Variants in PLBD2 observed in about 807,000 individuals in gnomAD.
PLBD2 encodes putative aminopeptidase PLBD2.
In PLBD2, 51 loss-of-function variants were observed where a neutral mutation model predicts 68.3. The ratio of observed to expected loss-of-function variants is 0.75; its 90% CI spans 0.60 to 0.94. PLBD2 has a LOEUF of 0.94. Ranked by LOEUF, PLBD2 falls within the 40% of genes least tolerant of loss-of-function variation. The probability of loss-of-function intolerance (pLI) is 0.00; values close to 1 mark genes in which losing one functional copy is unlikely to be tolerated. For synonymous variants in PLBD2, 314 were observed against 339.3 expected (o/e 0.93, Z 0.82); for missense variants, 729 against 792.2 (o/e 0.92, Z 0.96).
chr12:113,378,699 T>C (rs1158715512), intron 5 of PLBD2, among the ~76,000 whole-genome samples: 3 of 150,024 alleles, frequency 2.0e-5, no homozygotes, highest in East Asian at 2.0e-4. Context: ...TTTTTTTTTT[T>C]CTTTGAGACA....
At chr12:113,361,080 C>G (rs1957289134) in intron 1 of PLBD2, among the ~76,000 whole-genome samples, 1 of 152,074 alleles carries the variant, frequency 6.6e-6, no homozygotes, top group Non-Finnish European at 1.5e-5. Flanking sequence ...CTTGAGGACT[C>G]AGGGTCAGAT....
chr12:113,362,605 A>AG (rs1957305285), intron 1 of PLBD2, among the ~76,000 whole-genome samples: 1 of 151,970 alleles, frequency 6.6e-6, no homozygotes, highest in Non-Finnish European at 1.5e-5. Flanking sequence ...GAAAAAAAAA[A>AG]AAAGATTGAG....
chr12:113,369,684 G>A (rs1388327937), intron 2 of PLBD2, among the ~76,000 whole-genome samples: 1 of 152,032 alleles, frequency 6.6e-6, no homozygotes, highest in African/African-American at 2.4e-5. Context: ...TCACAAAAGG[G>A]CACATACTGT....
intron 8 of PLBD2, 29 bp from the exon 9 acceptor site, chr12:113,385,183 C>G (rs1328906451): frequency 6.2e-7 from 1 of 1,612,640 alleles, no homozygotes. Flanking sequence ...TTCTGATCAC[C>G]TCCACCCCAT....
At chr12:113,374,667 C>T (rs1957422339) in intron 4 of PLBD2, 93 bp downstream of exon 4, 1 of 1,452,214 alleles carries the variant, frequency 6.9e-7, no homozygotes, top group East Asian at 2.4e-5. Context: ...CTTGCCACTC[C>T]CTGGCTCTGT....
chr12:113,367,450 G>A (rs1287184755), intron 1 of PLBD2, among the ~76,000 whole-genome samples: 2 of 152,102 alleles, frequency 1.3e-5, no homozygotes, highest in African/African-American at 4.8e-5. Context: ...TTACCTGGAG[G>A]CTACTTAGAA....
rs1379178665 is a variant in PLBD2, at chr12:113,372,808, G to C, written c.543+1G>C. 1.2e-6 allele frequency: 2 copies of C among 1,612,470 alleles called. No individual in the cohort carries two copies. The highest frequency in any genetic ancestry group is 1.7e-5 in the Admixed American group (1 of 60,010). On this transcript the variant is annotated splice_donor_variant, in intron 3 of 11. Transcript: ENST00000280800. LOFTEE classifies it high-confidence loss of function. This position sits in a 1 kb window ranked among gnomAD's most constrained non-coding sequence, Gnocchi z 4.2. ...CCCAGACTCACCTTACTGGCACCAG[G>C]TGAGTCCTGCTGCCACGCTTGGTGG...
chr12:113,364,887 C>T (rs1291344059), intron 1 of PLBD2, among the ~76,000 whole-genome samples: 1 of 152,156 alleles, frequency 6.6e-6, no homozygotes, highest in Non-Finnish European at 1.5e-5. Context: ...AAAACCGAGG[C>T]CCCGAGAGGT....
Position 113,369,700 on chromosome 12 carries a change from T to G in PLBD2, c.384+491T>G, listed in dbSNP as rs147473937. Among the ~76,000 whole-genome samples the G allele has an allele frequency of 2.8e-3, 426 of 152,216 alleles. 2 individuals are homozygous for G. The highest frequency in any genetic ancestry group is 6.6e-3 in the South Asian group (32 of 4,814). ...CACAAAAGGGCACATACTGTATGAT[T>G]CTGTTTATATAAAATGTTCAGAATA... On this transcript the variant is annotated intron_variant, in intron 2 of 11. Coordinates refer to ENST00000280800, the MANE Select transcript of PLBD2 (RefSeq NM_173542.4).
chr12:113,371,432 T>A (rs1593282778), intron 2 of PLBD2, among the ~76,000 whole-genome samples: 1 of 152,352 alleles, frequency 6.6e-6, no homozygotes, highest in African/African-American at 2.4e-5. Context: ...CAACGTCCAG[T>A]GGGACACCCT....
intron 1 of PLBD2, among the ~76,000 whole-genome samples, chr12:113,362,162 G>A (rs1296906294): frequency 6.6e-6 from 1 of 152,016 alleles, no homozygotes; most frequent in Non-Finnish European, 1.5e-5. Context: ...CTTGGGCAAT[G>A]TGGTGAAACC....
chr12:113,365,523 A>G (rs1443338135), intron 1 of PLBD2, among the ~76,000 whole-genome samples: 1 of 151,966 alleles, frequency 6.6e-6, no homozygotes, highest in Non-Finnish European at 1.5e-5. Flanking sequence ...CATGTTAGCC[A>G]GGCTGGTCTC....
intron 11 of PLBD2, 85 bp from the exon 12 acceptor site, chr12:113,388,374 G>A: frequency 3.7e-6 from 5 of 1,336,674 alleles, no homozygotes; most frequent in Non-Finnish European, 5.0e-6. Flanking sequence ...TTGGGCTCTG[G>A]GGTCAAGGTC....
intron 1 of PLBD2, among the ~76,000 whole-genome samples, 188 bp from the exon 2 acceptor site, chr12:113,368,928 G>A (rs192646072): frequency 8.9e-4 from 135 of 152,318 alleles, no homozygotes; most frequent in African/African-American, 3.2e-3. Context: ...TTAAAAATAC[G>A]TGTACCCTTT....
In PLBD2 at chr12:113,369,222, G is replaced by A. The variant is rs1389536215; in HGVS notation, c.384+13G>A. ...TGTGTCGGAGGAGGTAAGGGCCAAG[G>A]TGGGGACATGGGGCTCCCACCCTGC... On this transcript the variant is annotated intron_variant, in intron 2 of 11. Coordinates refer to ENST00000280800, the MANE Select transcript of PLBD2 (RefSeq NM_173542.4). 1.3e-6 allele frequency: 2 copies of A among 1,582,718 alleles called. No homozygotes were observed. Among genetic ancestry groups the A allele is most frequent in the East Asian group, 2.3e-5 (1 of 43,762 alleles).
intron 3 of PLBD2, among the ~76,000 whole-genome samples, chr12:113,373,666 A>T (rs2136910115): frequency 1.3e-5 from 2 of 149,284 alleles, no homozygotes; most frequent in South Asian, 4.3e-4. Context: ...CCATCCGTTC[A>T]TTTACCCACC....
At chr12:113,375,174 C>G in intron 5 of PLBD2, 167 bp downstream of exon 5, 1 of 661,556 alleles carries the variant, frequency 1.5e-6, no homozygotes, top group Non-Finnish European at 2.6e-6. Flanking sequence ...GAGTTGGGGT[C>G]TTGCTCTGTT....
chr12:113,380,914 G>A, intron 6 of PLBD2, 72 bp downstream of exon 6: 1 of 1,394,126 alleles, frequency 7.2e-7, no homozygotes. Context: ...TGGCAGGATT[G>A]ATTCCTGCGG....
intron 2 of PLBD2, among the ~76,000 whole-genome samples, chr12:113,370,302 G>T (rs554544147): frequency 2.0e-5 from 3 of 152,014 alleles, no homozygotes; most frequent in Non-Finnish European, 2.9e-5. Flanking sequence ...AGGGTGGTGG[G>T]TGCCTCTAGG....
Sources: allele counts gnomAD v4.1 joint callset (sites outside exome capture counted in the v4.1 genomes callset), GRCh38; gene constraint gnomAD v4.1.1; non-coding constraint Gnocchi (gnomAD v3.1); transcripts MANE v1.5; gene names NCBI Gene and HGNC (gene_info 2026-07-23, HGNC 2026-07-21).